HEATR5A: variants seen among roughly 807,000 people sequenced by gnomAD.
HEATR5A encodes HEAT repeat-containing protein 5A.
Under a neutral mutation model 218.8 loss-of-function variants are expected in HEATR5A, and 178 were observed. The ratio of observed to expected loss-of-function variants is 0.81; its 90% CI spans 0.72 to 0.92. The LOEUF (loss-of-function observed/expected upper bound fraction) is 0.92. HEATR5A is among the 40% of genes least tolerant of loss of function. The pLI, the probability that HEATR5A is intolerant of heterozygous loss-of-function variation, is 0.00. For missense variants in HEATR5A, 2,420 were observed against 2,418.9 expected (o/e 1.00, Z -0.01); for synonymous variants, 864 against 871.6 (o/e 0.99, Z 0.15).
Position 31,305,194 on chromosome 14 carries a change from T to C in HEATR5A, c.4967-17A>G, listed in dbSNP as rs1348643821. 1.2e-6 allele frequency: 2 copies of C among 1,605,210 alleles called. No homozygotes were observed. The highest frequency in any genetic ancestry group is 1.7e-4 in the Middle Eastern group (1 of 6,050). On this transcript the variant is annotated splice_polypyrimidine_tract_variant and intron_variant, in intron 31 of 35. Transcript: ENST00000543095. ...CATCATCAACTAAAAGAAAGAATAGTGTTTAATACTTTGTGCTTGCTCTGC... is the reference window on the plus strand; with the variant it reads ...CATCATCAACTAAAAGAAAGAATAGCGTTTAATACTTTGTGCTTGCTCTGC...
intron 22 of HEATR5A, among the ~76,000 whole-genome samples, chr14:31,332,295 T>C (rs1011407896): frequency 1.3e-5 from 2 of 152,244 alleles, no homozygotes; most frequent in African/African-American, 4.8e-5. Context: ...ATTTATTCAA[T>C]AAATGTTGAG....
At position 31,400,417 on chromosome 14, in the gene HEATR5A, C is replaced by A. The variant is rs1163775714; in HGVS notation, c.222G>T (p.Lys74Asn). The change falls in exon 3 of 36, where the codon AAG (lysine) becomes AAT (asparagine). Residue 74 changes from lysine to asparagine, a missense_variant. Coordinates refer to ENST00000543095, the MANE Select transcript of HEATR5A (RefSeq NM_015473.4). ...CAATACTATAAAGTATGGCTAGATTCTTAGCAAGCAGTTTGCGGGTAGGAG... is the reference window on the plus strand; with the variant it reads ...CAATACTATAAAGTATGGCTAGATTATTAGCAAGCAGTTTGCGGGTAGGAG... ...PGPPTRKLLA[K>N]NLAILYSIGD... The A allele has an allele frequency of 6.5e-7, 1 of 1,535,866 alleles. No individual in the cohort carries two copies. Among genetic ancestry groups the A allele is most frequent in the African/African-American group, 1.4e-5 (1 of 73,108 alleles).
intron 34 of HEATR5A, 104 bp from the exon 35 acceptor site, chr14:31,294,208 T>C (rs1422143281): frequency 3.9e-6 from 3 of 760,830 alleles, no homozygotes; most frequent in Non-Finnish European, 6.3e-6. Flanking sequence ...TAAATTTATT[T>C]CTAATTTGTG....
At chr14:31,305,289 G>T in intron 31 of HEATR5A, 112 bp from the exon 32 acceptor site, 1 of 1,090,032 alleles carries the variant, frequency 9.2e-7, no homozygotes, top group Non-Finnish European at 1.3e-6. Context: ...TTGAGACAGA[G>T]TCTCGCTCTG....
intron 32 of HEATR5A, among the ~76,000 whole-genome samples, chr14:31,303,248 T>C (rs544606629): frequency 1.3e-5 from 2 of 151,904 alleles, no homozygotes; most frequent in East Asian, 1.9e-4. Flanking sequence ...GCCTGGCCAA[T>C]ATGGTGAAAT....
intron 20 of HEATR5A, 44 bp downstream of exon 20, chr14:31,345,043 G>A (rs765661262): frequency 6.6e-7 from 1 of 1,505,376 alleles, no homozygotes; most frequent in South Asian, 1.2e-5. Context: ...ACTTTTATGT[G>A]TATTATTTTT....
intron 11 of HEATR5A, among the ~76,000 whole-genome samples, chr14:31,376,819 G>C (rs1902245274): frequency 1.3e-5 from 2 of 152,120 alleles, no homozygotes; most frequent in Admixed American, 1.3e-4. Context: ...AAAGCACTAA[G>C]ATTGCTGTCT....
chr14:31,379,867 A>G (rs1172111404), intron 11 of HEATR5A, among the ~76,000 whole-genome samples: 1 of 152,104 alleles, frequency 6.6e-6, no homozygotes, highest in African/African-American at 2.4e-5. Context: ...CTTAGGTAGG[A>G]GGATCACTTG....
At chr14:31,359,078 A>G in intron 14 of HEATR5A, 21 bp from the exon 15 acceptor site, 2 of 1,590,420 alleles carry the variant, frequency 1.3e-6, no homozygotes, top group Non-Finnish European at 8.5e-7. Context: ...ACAGAAAAAG[A>G]GCAATTAGTA....
At chr14:31,327,696 A>C (rs1900317397) in intron 22 of HEATR5A, among the ~76,000 whole-genome samples, 1 of 152,230 alleles carries the variant, frequency 6.6e-6, no homozygotes, top group African/African-American at 2.4e-5. Context: ...AACAGAAAAC[A>C]AACACTATAT....
intron 2 of HEATR5A, among the ~76,000 whole-genome samples, chr14:31,401,090 C>T (rs987066612): frequency 3.6e-4 from 54 of 152,048 alleles, no homozygotes; most frequent in African/African-American, 1.2e-3. Context: ...CCACCCACCT[C>T]GGCCTCCCAA....
intron 28 of HEATR5A, among the ~76,000 whole-genome samples, chr14:31,309,958 C>T (rs1899684358): frequency 6.6e-6 from 1 of 152,120 alleles, no homozygotes; most frequent in African/African-American, 2.4e-5. Context: ...CCACTTCAGC[C>T]TCCCAAAGTG....
chr14:31,326,459 C>T (rs576583064), intron 22 of HEATR5A, 117 bp from the exon 23 acceptor site: 156 of 735,134 alleles, frequency 2.1e-4, no homozygotes, highest in South Asian at 1.1e-3. Context: ...AAAGAACTAG[C>T]CCAAATACTG....
At chr14:31,332,109 G>A (rs1267002767) in intron 22 of HEATR5A, among the ~76,000 whole-genome samples, 2 of 152,168 alleles carry the variant, frequency 1.3e-5, no homozygotes, top group Non-Finnish European at 2.9e-5. Context: ...TAAAATAAGT[G>A]TCATAAAGAC....
intron 14 of HEATR5A, among the ~76,000 whole-genome samples, chr14:31,359,588 G>A (rs986596359): frequency 1.3e-5 from 2 of 151,550 alleles, no homozygotes; most frequent in Admixed American, 6.6e-5. Context: ...TTAGCCGGGC[G>A]TGGTGGCAGG....
intron 22 of HEATR5A, among the ~76,000 whole-genome samples, chr14:31,333,676 C>T (rs11850326): frequency 0.85 from 128,567 of 152,140 alleles, 55,219 homozygotes; most frequent in Non-Finnish European, 0.93. Context: ...TGGGCTAATG[C>T]AGCTGGTGAC....
At chr14:31,347,718 T>C in intron 19 of HEATR5A, 30 bp downstream of exon 19, 1 of 1,479,260 alleles carries the variant, frequency 6.8e-7, no homozygotes, top group Non-Finnish European at 9.0e-7. Context: ...AATCATGAAT[T>C]TCAAGGGAAG....
chr14:31,302,670 T>A (rs1210337384), intron 32 of HEATR5A, 151 bp from the exon 33 acceptor site: 2 of 594,044 alleles, frequency 3.4e-6, no homozygotes, highest in Non-Finnish European at 5.8e-6. Flanking sequence ...ATAATGTAAG[T>A]AGCTTTATTA....
At chr14:31,385,216 C>G (rs1485785715) in intron 9 of HEATR5A, among the ~76,000 whole-genome samples, 2 of 152,196 alleles carry the variant, frequency 1.3e-5, no homozygotes, top group Non-Finnish European at 2.9e-5. Flanking sequence ...GCCTCAGTCT[C>G]CTAGGCATAA....
Sources: gnomAD v4.1 joint callset for allele counts (sites outside exome capture counted in the v4.1 genomes callset) on GRCh38, gnomAD v4.1.1 for gene constraint, MANE v1.5 for transcripts, NCBI Gene and HGNC (gene_info 2026-07-23, HGNC 2026-07-21) for gene names.